TSPAN9: variants seen among roughly 807,000 people sequenced by gnomAD.
TSPAN9 encodes tetraspanin 9, also known as tetraspanin-9.
Under a neutral mutation model 31.0 loss-of-function variants are expected in TSPAN9, and 16 were observed. The ratio of observed to expected loss-of-function variants is 0.52; its 90% CI spans 0.35 to 0.78. The LOEUF is 0.78. TSPAN9 is among the 30% of genes least tolerant of loss of function. The probability of loss-of-function intolerance (pLI) is 0.01; values close to 1 mark genes in which losing one functional copy is unlikely to be tolerated. For synonymous variants in TSPAN9, 145 were observed against 121.6 expected (o/e 1.19, Z -1.27); for missense variants, 272 against 312.5 (o/e 0.87, Z 0.98).
intron 2 of TSPAN9, among the ~76,000 whole-genome samples, chr12:3,109,307 A>AGAGAGAGAGAGAGTGTGT (rs560687812): frequency 7.0e-5 from 10 of 143,206 alleles, no homozygotes; most frequent in African/African-American, 2.5e-4. Flanking sequence ...TGTGAGAGAG[A>AGAGAGAGAGAGAGTGTGT]GTGTGTGTGT....
intron 3 of TSPAN9, among the ~76,000 whole-genome samples, chr12:3,251,143 A>G (rs1862237892): frequency 6.6e-6 from 1 of 152,146 alleles, no homozygotes; most frequent in Non-Finnish European, 1.5e-5. Context: ...GGCTACTTAG[A>G]AGTTGTGGAC....
rs2098350928 is a variant in TSPAN9, at chr12:3,170,113, A to G, written c.-17-31064A>G. On this transcript the variant is annotated intron_variant, in intron 2 of 8. Coordinates refer to ENST00000011898, the MANE Select transcript of TSPAN9 (RefSeq NM_006675.5). The surrounding 1 kb of genome is among the most constrained non-coding windows in gnomAD (Gnocchi z 4.4). ...TCTGTTCCACGTCCTTCATCTGGGAATAATAATACCTGTCTCACTGGGTTG... is the reference window on the plus strand; with the variant it reads ...TCTGTTCCACGTCCTTCATCTGGGAGTAATAATACCTGTCTCACTGGGTTG... Among the ~76,000 whole-genome samples, 1 of 152,176 alleles carries G rather than the reference A, an allele frequency of 6.6e-6. No individual in the cohort carries two copies. Among genetic ancestry groups the G allele is most frequent in the South Asian group, 2.1e-4 (1 of 4,826 alleles).
chr12:3,089,124 C>T (rs547606080), intron 2 of TSPAN9, among the ~76,000 whole-genome samples: 3 of 149,976 alleles, frequency 2.0e-5, no homozygotes, highest in South Asian at 4.3e-4. Context: ...CCCAGCCACT[C>T]GGGAGGCTGA....
Position 3,201,257 on chromosome 12 carries a change from G to T in TSPAN9, c.63+1G>T. 1 of 1,613,966 alleles carries T rather than the reference G, an allele frequency of 6.2e-7. No individual in the cohort carries two copies. Among genetic ancestry groups the T allele is most frequent in the Non-Finnish European group, 8.5e-7 (1 of 1,179,962 alleles). ...GTTCCTCTTCAATTTGATATTCTGG[G>T]TAAGTCCTTCCGTTTCTCTCTCCCT... On this transcript the variant is annotated splice_donor_variant, in intron 3 of 8. Transcript: ENST00000011898. LOFTEE classifies it high-confidence loss of function.
At chr12:3,222,208 G>T (rs1219351180) in intron 3 of TSPAN9, among the ~76,000 whole-genome samples, 2 of 152,148 alleles carry the variant, frequency 1.3e-5, no homozygotes, top group Non-Finnish European at 2.9e-5. Flanking sequence ...AGAAGGGGGG[G>T]ACGTGGCCAC....
intron 2 of TSPAN9, chr12:3,124,786 GGT>G: frequency 6.6e-6 from 1 of 152,176 alleles, no homozygotes; most frequent in Non-Finnish European, 1.5e-5. Context: ...GGCCAGGTGT[GGT>G]GGCTCACATC....
chr12:3,203,804 A>C (rs767265816), intron 3 of TSPAN9, among the ~76,000 whole-genome samples: 2 of 152,184 alleles, frequency 1.3e-5, no homozygotes, highest in Non-Finnish European at 2.9e-5. Context: ...AGTGTTTGCC[A>C]CTGTGTTTAT....
At chr12:3,167,182 GATTC>G (rs1045470857) in intron 2 of TSPAN9, among the ~76,000 whole-genome samples, 1 of 152,116 alleles carries the variant, frequency 6.6e-6, no homozygotes, top group African/African-American at 2.4e-5. Flanking sequence ...AAAAAAATAA[GATTC>G]ATCCACGTAG....
chr12:3,260,657 GC>G (rs1347090262), intron 3 of TSPAN9, among the ~76,000 whole-genome samples: 2 of 152,240 alleles, frequency 1.3e-5, no homozygotes, highest in Admixed American at 6.5e-5. Context: ...AAGTCCAACA[GC>G]AGTGAATATC....
chr12:3,252,605 C>T (rs1290188168), intron 3 of TSPAN9, among the ~76,000 whole-genome samples: 1 of 152,248 alleles, frequency 6.6e-6, no homozygotes, highest in Admixed American at 6.5e-5. Flanking sequence ...TTGCAAGATC[C>T]TCTTGTCATC....
rs1453066763 is a variant in TSPAN9, at chr12:3,201,204, G to A, written c.11G>A (p.Gly4Asp). The stretch of plus-strand genomic sequence containing the variant: ...TTTAAGAAGTGCAACATGGCCAGGG[G>A]CTGCCTCTGCTGCTTGAAGTACATG... MAR[G>D]CLCCLKYMMF... Residue 4 changes from glycine (G) to aspartate (D), a missense_variant, in exon 3 of 9, where the codon GGC becomes GAC. Physicochemically the swap from Gly to Asp is moderately conservative, Grantham distance 94 (BLOSUM62 -1). Coordinates refer to ENST00000011898, the MANE Select transcript of TSPAN9 (RefSeq NM_006675.5). 1.5e-5 allele frequency: 24 copies of A among 1,614,122 alleles called. No homozygotes were observed. The highest frequency in any genetic ancestry group is 2.0e-5 in the Non-Finnish European group (24 of 1,180,016).
chr12:3,259,411 C>T (rs558518287), intron 3 of TSPAN9, among the ~76,000 whole-genome samples: 1 of 152,112 alleles, frequency 6.6e-6, no homozygotes, highest in African/African-American at 2.4e-5. Context: ...CTGGTCTCCT[C>T]CCTCCCTCCA....
intron 2 of TSPAN9, among the ~76,000 whole-genome samples, chr12:3,174,797 T>A (rs1305068543): frequency 6.7e-6 from 1 of 149,898 alleles, no homozygotes; most frequent in East Asian, 2.0e-4. Flanking sequence ...TTAGCCAGGA[T>A]GGTCTCGATC....
At chr12:3,243,833 G>C (rs539033983) in intron 3 of TSPAN9, among the ~76,000 whole-genome samples, 1 of 152,182 alleles carries the variant, frequency 6.6e-6, no homozygotes, top group Non-Finnish European at 1.5e-5. Flanking sequence ...GCAGGGGAGC[G>C]AGAGGTGACT....
At chr12:3,162,011 G>A (rs926580251) in intron 2 of TSPAN9, among the ~76,000 whole-genome samples, 16 of 152,142 alleles carry the variant, frequency 1.1e-4, no homozygotes, top group African/African-American at 3.9e-4. Flanking sequence ...TGATCCCAGT[G>A]TTGGGGGTGT....
chr12:3,209,852 G>A (rs915970620), intron 3 of TSPAN9, among the ~76,000 whole-genome samples: 1 of 151,616 alleles, frequency 6.6e-6, no homozygotes, highest in Admixed American at 6.6e-5. Flanking sequence ...CCAGCTACTC[G>A]GGAGGCTGAG....
chr12:3,251,858 A>G (rs994910707), intron 3 of TSPAN9, among the ~76,000 whole-genome samples: 14 of 152,136 alleles, frequency 9.2e-5, no homozygotes, highest in Admixed American at 2.6e-4. Flanking sequence ...CCCCTAGTGT[A>G]GTGGAGAAAT....
intron 2 of TSPAN9, among the ~76,000 whole-genome samples, chr12:3,198,428 AC>A (rs1335673234): frequency 2.1e-5 from 2 of 95,666 alleles, no homozygotes; most frequent in African/African-American, 8.6e-5. Context: ...AGCACAGCTC[AC>A]CACCAGCACA....
intron 2 of TSPAN9, among the ~76,000 whole-genome samples, chr12:3,132,219 G>T (rs754518640): frequency 6.6e-6 from 1 of 152,138 alleles, no homozygotes; most frequent in African/African-American, 2.4e-5. Context: ...AAATAGAGCT[G>T]CTATGAACAT....
Sources: gnomAD v4.1 joint callset for allele counts (sites outside exome capture counted in the v4.1 genomes callset) on GRCh38, gnomAD v4.1.1 for gene constraint, Gnocchi (gnomAD v3.1) non-coding constraint, MANE v1.5 for transcripts, NCBI Gene and HGNC (gene_info 2026-07-23, HGNC 2026-07-21) for gene names.